Variants in NTRK3 observed in about 807,000 individuals in gnomAD.
NTRK3 encodes the protein neurotrophic receptor tyrosine kinase 3, also known as NT-3 growth factor receptor.
NTRK3 carries 24 observed loss-of-function variants against 91.7 expected under a neutral mutation model. The ratio of observed to expected loss-of-function variants is 0.26; its 90% CI spans 0.19 to 0.37. The LOEUF is 0.37. NTRK3 is among the 10% of genes least tolerant of loss of function. The pLI is 1.00. For missense variants in NTRK3, 880 were observed against 1,068.9 expected, an observed-to-expected ratio of 0.82 and a Z score of 2.46; for synonymous variants, 483 against 404.0, an observed-to-expected ratio of 1.20 and a Z score of -2.34.
At chr15:87,952,583 T>C (rs1470490113) in intron 14 of NTRK3, among the ~76,000 whole-genome samples, 1 of 152,190 alleles carries the variant, frequency 6.6e-6, no homozygotes, top group African/African-American at 2.4e-5. Context: ...CTGGAGCCCT[T>C]GGTGACACAA....
chr15:87,975,380 A>T (rs1165104463), intron 14 of NTRK3, among the ~76,000 whole-genome samples: 1 of 152,124 alleles, frequency 6.6e-6, no homozygotes, highest in Non-Finnish European at 1.5e-5. Flanking sequence ...CCTGGCAAGC[A>T]CCCTGGGTTC....
intron 18 of NTRK3, among the ~76,000 whole-genome samples, chr15:87,878,612 A>C (rs1262125075): frequency 6.6e-6 from 1 of 152,182 alleles, no homozygotes; most frequent in African/African-American, 2.4e-5. Context: ...GTCTCTTCTA[A>C]TGTTGGACTA....
intron 14 of NTRK3, among the ~76,000 whole-genome samples, chr15:88,016,216 T>A (rs567924311): frequency 1.3e-5 from 2 of 152,320 alleles, no homozygotes; most frequent in Admixed American, 1.3e-4. Context: ...AAACAAATGT[T>A]AGGTGTTCTG....
chr15:88,122,489 G>T (rs2052826464), intron 13 of NTRK3, among the ~76,000 whole-genome samples: 1 of 152,180 alleles, frequency 6.6e-6, no homozygotes, highest in Non-Finnish European at 1.5e-5. Context: ...GATGGGAATA[G>T]GACCAGGGGG....
chr15:87,943,979 T>C (rs1397516898), intron 14 of NTRK3, among the ~76,000 whole-genome samples: 1 of 152,158 alleles, frequency 6.6e-6, no homozygotes, highest in African/African-American at 2.4e-5. Context: ...TGGAACTTTT[T>C]CCAGAATGTG....
At chr15:88,032,877 T>C (rs2078682237) in exon 14 of NTRK3, 1 of 1,613,694 alleles carries the variant, frequency 6.2e-7, no homozygotes, top group South Asian at 1.1e-5. Flanking sequence ...CTTGTGGCAG[T>C]TGTGTCCCTG....
intron 14 of NTRK3, among the ~76,000 whole-genome samples, chr15:87,993,943 C>A (rs541185642): frequency 1.3e-5 from 2 of 152,206 alleles, no homozygotes; most frequent in African/African-American, 4.8e-5. Context: ...TTTGCAAATA[C>A]CTAAATATCA....
intron 5 of NTRK3, among the ~76,000 whole-genome samples, chr15:88,150,495 A>G (rs2043271547): frequency 6.6e-6 from 1 of 152,164 alleles, no homozygotes; most frequent in Non-Finnish European, 1.5e-5. Context: ...CTACTCTCCC[A>G]GGGCTGCCTT....
chr15:88,235,407 A>C lies in NTRK3; in HGVS notation c.248+20499T>G, dbSNP rs989971872. ...CACTCACTGGTCTCGGCCTTCCCGG[A>C]ACCCACATCTGAGCACTCAGCAAGC... On this transcript the variant is annotated intron_variant, in intron 3 of 18. Coordinates refer to ENST00000394480, the Ensembl canonical transcript of NTRK3. The surrounding 1 kb of genome is among the most constrained non-coding windows in gnomAD (Gnocchi z 5.2). 6.6e-6 allele frequency among the ~76,000 whole-genome samples: 1 copy of C among 152,174 alleles called. No homozygotes were observed. The highest frequency in any genetic ancestry group is 2.4e-5 in the African/African-American group (1 of 41,454).
intron 18 of NTRK3, among the ~76,000 whole-genome samples, chr15:87,878,111 C>T (rs1186506466): frequency 6.6e-6 from 1 of 152,162 alleles, no homozygotes; most frequent in East Asian, 1.9e-4. Flanking sequence ...TCACTTCTCC[C>T]TAACTCTACC....
chr15:87,975,296 T>C (rs1452713464), intron 14 of NTRK3, among the ~76,000 whole-genome samples: 2 of 152,122 alleles, frequency 1.3e-5, no homozygotes, highest in Non-Finnish European at 2.9e-5. Flanking sequence ...ATTGGTACAG[T>C]TGAGTTTCTC....
intron 14 of NTRK3, among the ~76,000 whole-genome samples, chr15:87,959,280 G>A (rs2072003046): frequency 6.6e-6 from 1 of 152,202 alleles, no homozygotes; most frequent in African/African-American, 2.4e-5. Flanking sequence ...CTCCATCAGT[G>A]CTGTACCCAG....
intron 5 of NTRK3, among the ~76,000 whole-genome samples, chr15:88,149,821 A>G (rs1335724300): frequency 6.6e-6 from 1 of 152,206 alleles, no homozygotes; most frequent in Non-Finnish European, 1.5e-5. Flanking sequence ...CTGAGTCTCC[A>G]TTGCCACTGG....
At position 87,876,863 on chromosome 15, in the gene NTRK3, T is replaced by G; in HGVS notation, c.*72A>C. On this transcript the variant is annotated 3_prime_UTR_variant, in exon 19 of 19. Transcript: ENST00000394480. ...CTTCAGTCAAGGATGGAAGGAGTTG[T>G]GAGGTGGAAGGGAGATGTGAGGCAG... 2.0e-6 allele frequency: 3 copies of G among 1,532,742 alleles called. No individual in the cohort carries two copies. In the South Asian group the frequency reaches 3.4e-5, roughly 17 times the overall value. 94.9% of individuals were successfully genotyped at this position (1,532,742 alleles called of 1,614,324 possible). A position where few individuals can be genotyped will look rare whatever the true frequency, so the allele number is the denominator to read the frequency against.
chr15:88,155,223 T>C (rs916493444), intron 5 of NTRK3, among the ~76,000 whole-genome samples: 2 of 152,052 alleles, frequency 1.3e-5, no homozygotes, highest in African/African-American at 4.8e-5. Flanking sequence ...GCATTAAAGG[T>C]AGAAGAGGAA....
intron 6 of NTRK3, among the ~76,000 whole-genome samples, chr15:88,143,733 A>C (rs1253907843): frequency 6.6e-6 from 1 of 152,180 alleles, no homozygotes; most frequent in African/African-American, 2.4e-5. Context: ...TGACGTCTCC[A>C]AGAACGGTAG....
chr15:87,944,828 G>T lies in NTRK3; in HGVS notation c.1586-4075C>A, dbSNP rs765163597. On this transcript the variant is annotated intron_variant, in intron 14 of 18. Transcript: ENST00000394480. ...ACAGAGTGCGGGAGGAAGAGCCTCTGCTCAGGCCCTGGGGAATGACTGGAG... is the reference window on the plus strand; with the variant it reads ...ACAGAGTGCGGGAGGAAGAGCCTCTTCTCAGGCCCTGGGGAATGACTGGAG... 5.9e-5 allele frequency among the ~76,000 whole-genome samples: 9 copies of T among 152,352 alleles called. No individual in the cohort carries two copies. The East Asian group carries it at 1.7e-3, about 29-fold the overall frequency.
chr15:87,990,180 A>G (rs1177707823), intron 14 of NTRK3, among the ~76,000 whole-genome samples: 1 of 152,042 alleles, frequency 6.6e-6, no homozygotes, highest in East Asian at 1.9e-4. Flanking sequence ...CAAAGCTACA[A>G]CTTTATCGTC....
intron 9 of NTRK3, 25 bp downstream of exon 9, chr15:88,135,874 A>G (rs1265593550): frequency 1.2e-6 from 2 of 1,613,488 alleles, no homozygotes; most frequent in African/African-American, 2.7e-5. Flanking sequence ...ACACACAGCC[A>G]TCCCCCACAA....
Sources: allele counts gnomAD v4.1 joint callset (sites outside exome capture counted in the v4.1 genomes callset), GRCh38; gene constraint gnomAD v4.1.1; non-coding constraint Gnocchi (gnomAD v3.1); transcripts MANE v1.5; gene names NCBI Gene and HGNC (gene_info 2026-07-23, HGNC 2026-07-21).